Variants in NEK1 observed in about 807,000 individuals in gnomAD.
The protein encoded by NEK1 is NIMA related kinase 1.
NEK1 carries 137 observed loss-of-function variants against 182.1 expected under a neutral mutation model. That is an observed-to-expected ratio of 0.75 (90% CI 0.65 to 0.87). The LOEUF (loss-of-function observed/expected upper bound fraction) is 0.87, where lower values mean the gene tolerates loss of function less well. Ranked by LOEUF, NEK1 falls within the 40% of genes least tolerant of loss-of-function variation. The pLI, the probability that NEK1 is intolerant of heterozygous loss-of-function variation, is 0.00. For missense variants in NEK1, 1,391 were observed against 1,494.4 expected (o/e 0.93, Z 1.14); for synonymous variants, 513 against 492.2 (o/e 1.04, Z -0.56).
intron 23 of NEK1, chr4:169,506,713 G>C (rs1366066559): frequency 6.6e-6 from 1 of 152,542 alleles, no homozygotes; most frequent in Non-Finnish European, 1.4e-5. Flanking sequence ...CTGCACTTCA[G>C]TGAGCCGAGA....
intron 35 of NEK1, among the ~76,000 whole-genome samples, chr4:169,396,415 G>T (rs1730736771): frequency 7.7e-6 from 1 of 130,114 alleles, no homozygotes; most frequent in South Asian, 2.6e-4. Flanking sequence ...TATAAACTTG[G>T]GCCGCTAATG....
chr4:169,598,311 C>T (rs1190275451), intron 5 of NEK1, among the ~76,000 whole-genome samples: 1 of 152,138 alleles, frequency 6.6e-6, no homozygotes. Context: ...AGTGCTCCCT[C>T]TACTCCCCTA....
intron 19 of NEK1, among the ~76,000 whole-genome samples, chr4:169,521,983 T>C (rs1452212939): frequency 6.6e-6 from 1 of 152,348 alleles, no homozygotes; most frequent in South Asian, 2.1e-4. Context: ...TCACATACTT[T>C]CTCCTGTCCT....
chr4:169,528,215 C>CT (rs951290983), intron 19 of NEK1, among the ~76,000 whole-genome samples: 1 of 152,114 alleles, frequency 6.6e-6, no homozygotes, highest in Non-Finnish European at 1.5e-5. Context: ...TAATGGATGT[C>CT]ACTCCTGTAA....
In NEK1 at chr4:169,463,268, T is replaced by C; in HGVS notation, c.2562A>G (p.Leu854=). Residue 854 remains leucine, a synonymous_variant, in exon 27 of 36, where the codon CTA becomes CTG. Coordinates refer to ENST00000507142, the MANE Select transcript of NEK1 (RefSeq NM_001199397.3). ...CACTTCTAATAGTTGTATTTTCTAA[T>C]AGTTCTGTCTGAAGTTGTAGTTCAG... ...GEAELQLQTE[L]LENTTIRSEI... is the part of the protein sequence containing the mutation. 2 of 1,580,476 alleles carry C rather than the reference T, an allele frequency of 1.3e-6. No homozygotes were observed. The highest frequency in any genetic ancestry group is 1.2e-5 in the South Asian group (1 of 82,114).
chr4:169,559,310 G>T (rs1053667429), intron 16 of NEK1, among the ~76,000 whole-genome samples: 2 of 152,158 alleles, frequency 1.3e-5, no homozygotes, highest in Admixed American at 1.3e-4. Flanking sequence ...AAGTTGATAA[G>T]CTTTCTCTTT....
intron 10 of NEK1, 97 bp from the exon 11 acceptor site, chr4:169,580,999 T>C: frequency 2.1e-6 from 1 of 478,900 alleles, no homozygotes; most frequent in Non-Finnish European, 3.6e-6. Context: ...TTTTCAGTAG[T>C]AATTATGCTG....
chr4:169,585,265 G>T lies in NEK1; in HGVS notation c.807+84C>A. On this transcript the variant is annotated intron_variant, in intron 10 of 35. Transcript: ENST00000507142. ...AGGCACACCATTCCTCCAAGATCCA[G>T]ATGTGTTCTCCTCAACACTGGAGGC... The T allele has an allele frequency of 3.3e-6, 3 of 900,922 alleles. No individual in the cohort carries two copies. The South Asian group carries it at 5.3e-5, about 16-fold the overall frequency. 55.8% of individuals were successfully genotyped at this position (900,922 alleles called of 1,614,324 possible).
At position 169,545,142 on chromosome 4, in the gene NEK1, C is replaced by T. The variant is rs561597627; in HGVS notation, c.1563-7231G>A. On this transcript the variant is annotated intron_variant, in intron 18 of 35. Coordinates refer to ENST00000507142, the MANE Select transcript of NEK1 (RefSeq NM_001199397.3). ...TATGTATACATGTGCCATGCTGGTG[C>T]GCTGCACCCACTAACTCGTCATCTA... Among the ~76,000 whole-genome samples the T allele has an allele frequency of 5.5e-3, 822 of 148,552 alleles. 5 individuals are homozygous for T. The highest frequency in any genetic ancestry group is 0.027 in the South Asian group (125 of 4,650).
chr4:169,558,333 C>T (rs28545308), intron 16 of NEK1, among the ~76,000 whole-genome samples: 13,519 of 152,206 alleles, frequency 0.089, 786 homozygotes, highest in African/African-American at 0.16. Context: ...CAATTGTAAG[C>T]ACAGGCTGAA....
chr4:169,570,113 T>C (rs1282990510), intron 12 of NEK1, among the ~76,000 whole-genome samples: 1 of 147,758 alleles, frequency 6.8e-6, no homozygotes, highest in African/African-American at 2.5e-5. Context: ...CCGCCCATCG[T>C]CTGAGATGTG....
At chr4:169,463,474 T>C (rs1193580515) in intron 26 of NEK1, 79 bp from the exon 27 acceptor site, 1 of 1,040,344 alleles carries the variant, frequency 9.6e-7, no homozygotes, top group African/African-American at 1.6e-5. Flanking sequence ...TTTGAGTCTT[T>C]TATCCAATTG....
chr4:169,437,703 C>T (rs964150717), intron 28 of NEK1, among the ~76,000 whole-genome samples: 6 of 152,124 alleles, frequency 3.9e-5, no homozygotes, highest in African/African-American at 1.4e-4. Flanking sequence ...GGAGAGGGGC[C>T]CAGCTAAGCT....
At chr4:169,498,162 G>A (rs1751717869) in intron 23 of NEK1, among the ~76,000 whole-genome samples, 1 of 152,120 alleles carries the variant, frequency 6.6e-6, no homozygotes, top group African/African-American at 2.4e-5. Flanking sequence ...ATTATGTAAT[G>A]GCCTTCTTTG....
intron 12 of NEK1, among the ~76,000 whole-genome samples, chr4:169,564,632 C>T (rs1268568750): frequency 1.3e-5 from 2 of 152,150 alleles, no homozygotes; most frequent in African/African-American, 4.8e-5. Context: ...AATTTACTTT[C>T]ACTGAAAACA....
At chr4:169,460,565 T>C (rs1579852050) in intron 27 of NEK1, among the ~76,000 whole-genome samples, 1 of 151,802 alleles carries the variant, frequency 6.6e-6, no homozygotes, top group Non-Finnish European at 1.5e-5. Context: ...AAAACTCCTA[T>C]AAGAAAAGGT....
intron 27 of NEK1, among the ~76,000 whole-genome samples, chr4:169,462,928 A>G (rs1188486061): frequency 6.6e-6 from 1 of 152,066 alleles, no homozygotes; most frequent in African/African-American, 2.4e-5. Context: ...ATCCATATCA[A>G]AACAGACACA....
chr4:169,602,229 A>T, intron 3 of NEK1, 125 bp from the exon 4 acceptor site: 1 of 697,386 alleles, frequency 1.4e-6, no homozygotes, highest in South Asian at 1.8e-5. Flanking sequence ...ATATAGCAAG[A>T]AGTTAAAAAG....
intron 19 of NEK1, 120 bp from the exon 20 acceptor site, chr4:169,508,972 A>G: frequency 1.4e-6 from 1 of 718,142 alleles, no homozygotes; most frequent in Non-Finnish European, 2.2e-6. Context: ...TATTGATGAT[A>G]AACTGTGATA....
Sources: gnomAD v4.1 joint callset for allele counts (sites outside exome capture counted in the v4.1 genomes callset) on GRCh38, gnomAD v4.1.1 for gene constraint, MANE v1.5 for transcripts, NCBI Gene and HGNC (gene_info 2026-07-23, HGNC 2026-07-21) for gene names.